The following MKLN1 variants were observed in gnomAD, a reference collection of about 807,000 sequenced individuals.
MKLN1 encodes muskelin 1, also known as muskelin.
Under a neutral mutation model 99.0 loss-of-function variants are expected in MKLN1, and 18 were observed. That is an observed-to-expected ratio of 0.18 (90% CI 0.13 to 0.27). MKLN1 has a LOEUF of 0.27. MKLN1 is among the 10% of genes least tolerant of loss of function. The probability of loss-of-function intolerance (pLI) is 1.00; values close to 1 mark genes in which losing one functional copy is unlikely to be tolerated. For synonymous variants in MKLN1, 288 were observed against 293.2 expected, an observed-to-expected ratio of 0.98 and a Z score of 0.18; for missense variants, 621 against 875.9, an observed-to-expected ratio of 0.71 and a Z score of 3.67.
At chr7:131,119,044 AAAGTTT>A (rs1243148367) in intron 1 of MKLN1, among the ~76,000 whole-genome samples, 1 of 152,328 alleles carries the variant, frequency 6.6e-6, no homozygotes, top group Admixed American at 6.5e-5. Flanking sequence ...CATTAACTTA[AAAGTTT>A]AAGTCCAATA....
chr7:131,204,227 G>C (rs937204065), intron 3 of MKLN1, among the ~76,000 whole-genome samples: 3 of 152,120 alleles, frequency 2.0e-5, no homozygotes, highest in Admixed American at 1.3e-4. Context: ...CAGCACCATC[G>C]AATCTTGGTC....
chr7:131,251,185 G>A (rs1052456250), intron 3 of MKLN1, among the ~76,000 whole-genome samples: 11 of 151,878 alleles, frequency 7.2e-5, no homozygotes, highest in Admixed American at 2.6e-4. Flanking sequence ...TCGCAATCTT[G>A]TGTAACCACC....
At chr7:131,411,171 T>A (rs1307796212) in intron 6 of MKLN1, 135 bp from the exon 7 acceptor site, 5 of 555,032 alleles carry the variant, frequency 9.0e-6, no homozygotes, top group South Asian at 8.1e-5. Flanking sequence ...ATGCATATTT[T>A]ATGAAAATGT....
At chr7:131,148,043 AT>A (rs937106252) in intron 2 of MKLN1, among the ~76,000 whole-genome samples, 2 of 151,906 alleles carry the variant, frequency 1.3e-5, no homozygotes, top group Non-Finnish European at 2.9e-5. Flanking sequence ...GGGCAGTCAG[AT>A]TTTTTTCTTT....
intron 1 of MKLN1, among the ~76,000 whole-genome samples, chr7:131,360,700 A>C (rs1800004001): frequency 6.6e-6 from 1 of 152,116 alleles, no homozygotes; most frequent in Non-Finnish European, 1.5e-5. Context: ...TTTAAGAGTA[A>C]AAAATACATG....
At chr7:131,461,706 G>C (rs554761332) in intron 12 of MKLN1, among the ~76,000 whole-genome samples, 157 of 152,216 alleles carry the variant, frequency 1.0e-3, no homozygotes, top group Non-Finnish European at 1.9e-3. Context: ...TCTGATATTT[G>C]TTTAGCTTTT....
intron 2 of MKLN1, among the ~76,000 whole-genome samples, chr7:131,385,927 C>T (rs562361046): frequency 1.3e-5 from 2 of 151,506 alleles, no homozygotes; most frequent in African/African-American, 4.8e-5. Context: ...TCTAAGAATC[C>T]GGTGCCAAAT....
At chr7:131,393,140 A>G (rs931111377) in intron 4 of MKLN1, among the ~76,000 whole-genome samples, 11 of 152,178 alleles carry the variant, frequency 7.2e-5, no homozygotes, top group Non-Finnish European at 1.2e-4. Flanking sequence ...GATGTTGATT[A>G]TATTCATGTC....
chr7:131,457,788 T>C (rs1796394274), intron 12 of MKLN1, among the ~76,000 whole-genome samples: 1 of 152,020 alleles, frequency 6.6e-6, no homozygotes, highest in Admixed American at 6.6e-5. Context: ...TGGCGGCGCA[T>C]GTCTGTAATC....
chr7:131,233,524 A>G (rs934810393), intron 3 of MKLN1, among the ~76,000 whole-genome samples: 3 of 151,900 alleles, frequency 2.0e-5, no homozygotes, highest in Non-Finnish European at 4.4e-5. Context: ...TAAAGAAAAC[A>G]TCTACCAAAT....
intron 2 of MKLN1, among the ~76,000 whole-genome samples, chr7:131,156,646 G>T (rs1795972092): frequency 6.6e-6 from 1 of 152,028 alleles, no homozygotes; most frequent in African/African-American, 2.4e-5. Flanking sequence ...CTACTGTATT[G>T]CAAGTGTTCT....
intron 4 of MKLN1, among the ~76,000 whole-genome samples, chr7:131,395,042 A>ATT (rs1399324893): frequency 6.6e-6 from 1 of 152,080 alleles, no homozygotes; most frequent in Non-Finnish European, 1.5e-5. Flanking sequence ...ATCTCATTTA[A>ATT]AAAAATCTAA....
At chr7:131,366,080 G>A (rs147058162) in intron 1 of MKLN1, among the ~76,000 whole-genome samples, 20 of 152,240 alleles carry the variant, frequency 1.3e-4, no homozygotes, top group Middle Eastern at 3.4e-3. Flanking sequence ...CAACTCCCCT[G>A]ATTACAGCTG....
chr7:131,495,755 G>C lies in MKLN1; in HGVS notation c.*8027G>C, dbSNP rs916136578. 1 of 152,152 alleles carries C rather than the reference G, an allele frequency of 6.6e-6. No individual in the cohort carries two copies. Among genetic ancestry groups the C allele is most frequent in the Admixed American group, 6.5e-5 (1 of 15,274 alleles). The allele number at this position is 152,152 out of a possible 1,614,324, so 9.4% of individuals were successfully genotyped here. A position where few individuals can be genotyped will look rare whatever the true frequency, so the allele number is the denominator to read the frequency against. ...TAATTGTGTTGATAGGTCTGTTTAA[G>C]CCTGAACTCTGGGTGTAAAATGTTA... On this transcript the variant is annotated 3_prime_UTR_variant, in exon 18 of 18. Coordinates refer to ENST00000352689, the MANE Select transcript of MKLN1 (RefSeq NM_013255.5).
At chr7:131,467,187 A>G (rs1796689872) in intron 15 of MKLN1, among the ~76,000 whole-genome samples, 1 of 152,170 alleles carries the variant, frequency 6.6e-6, no homozygotes. Context: ...TAGACCCTGT[A>G]TATTATTCTG....
intron 3 of MKLN1, among the ~76,000 whole-genome samples, chr7:131,258,467 G>A (rs1172147341): frequency 5.3e-5 from 8 of 151,302 alleles, no homozygotes; most frequent in Non-Finnish European, 1.0e-4. Flanking sequence ...GAATAAGAAC[G>A]CTTTACAGTT....
At chr7:131,444,769 T>A (rs375150172) in intron 11 of MKLN1, among the ~76,000 whole-genome samples, 3,027 of 52,116 alleles carry the variant, frequency 0.058, 43 homozygotes, top group Middle Eastern at 0.14. Context: ...GAAGAAGTAG[T>A]AGTAGTAGTA....
rs111227796 is a variant in MKLN1 at position 131,202,395 on chromosome 7, T to G, written c.-296-462T>G. Among the ~76,000 whole-genome samples the G allele has an allele frequency of 4.3e-3, 661 of 152,006 alleles. 6 individuals carry two copies. The highest frequency in any genetic ancestry group is 0.015 in the African/African-American group (632 of 41,462). ...CTCTCAATATGCTGGGATTACAGGCTTGAGCCACCATGCCCTGCCAAATTT... is the reference window on the plus strand; with the variant it reads ...CTCTCAATATGCTGGGATTACAGGCGTGAGCCACCATGCCCTGCCAAATTT... On this transcript the variant is annotated intron_variant, in intron 2 of 7. Transcript: ENST00000416992.
chr7:131,114,734 T>C (rs1328897041), intron 1 of MKLN1, among the ~76,000 whole-genome samples: 2 of 151,818 alleles, frequency 1.3e-5, no homozygotes, highest in African/African-American at 4.8e-5. Flanking sequence ...TCACCTGAGG[T>C]TAGGAGTTCG....
Sources: allele counts gnomAD v4.1 joint callset (sites outside exome capture counted in the v4.1 genomes callset), GRCh38; gene constraint gnomAD v4.1.1; transcripts MANE v1.5; gene names NCBI Gene and HGNC (gene_info 2026-07-23, HGNC 2026-07-21).